The following GRIP2 variants were observed in gnomAD, a reference collection of about 807,000 sequenced individuals.
GRIP2 encodes the protein glutamate receptor-interacting protein 2.
Under a neutral mutation model 108.3 loss-of-function variants are expected in GRIP2, and 58 were observed. The ratio of observed to expected loss-of-function variants is 0.54; its 90% CI spans 0.43 to 0.67. GRIP2 has a LOEUF of 0.67. Among genes scored for constraint, GRIP2 ranks in the 30% least tolerant of loss-of-function variants. The pLI is 0.00. For missense variants in GRIP2, 1,278 were observed against 1,430.6 expected (o/e 0.89, Z 1.72); for synonymous variants, 586 against 598.2 (o/e 0.98, Z 0.30).
At chr3:14,501,703 A>G (rs888901781) in intron 21 of GRIP2, among the ~76,000 whole-genome samples, 2 of 152,230 alleles carry the variant, frequency 1.3e-5, no homozygotes, top group African/African-American at 4.8e-5. Flanking sequence ...TTGTGTCCTT[A>G]AGTTTTACTT....
the GRIP2 span, among the ~76,000 whole-genome samples, chr3:14,600,701 C>G: frequency 6.6e-6 from 1 of 152,184 alleles, no homozygotes; most frequent in African/African-American, 2.4e-5. Flanking sequence ...TCATGTGAGA[C>G]CCAGCCCACG....
At chr3:14,518,045 C>G (rs1261566102) in intron 9 of GRIP2, 148 bp from the exon 10 acceptor site, 1 of 953,988 alleles carries the variant, frequency 1.0e-6, no homozygotes, top group African/African-American at 1.7e-5. Context: ...TCCCGGACGC[C>G]TACAATGTGC....
chr3:14,542,046 A>G (rs1331469078), upstream of GRIP2: 1 of 1,353,264 alleles, frequency 7.4e-7, no homozygotes, highest in Admixed American at 2.0e-5. Flanking sequence ...CATTCCCTCC[A>G]TCTACAGCCT....
rs1701351690 is a variant in GRIP2, at chr3:14,492,172, CAG to C, written c.*1491_*1492del. ...AGAGGGGCTGGGGGTCCAACCCAGA[CAG>C]GGTCACACAGCAAACAGGTAACAGA... On this transcript the variant is annotated 3_prime_UTR_variant, in exon 24 of 24. Transcript: ENST00000621039. The C allele has an allele frequency of 6.6e-6, 1 of 152,468 alleles. No homozygotes were observed. Among genetic ancestry groups the C allele is most frequent in the Non-Finnish European group, 1.5e-5 (1 of 68,240 alleles). 9.4% of individuals were successfully genotyped at this position (152,468 alleles called of 1,614,324 possible).
At chr3:14,571,585 G>C in the GRIP2 span, among the ~76,000 whole-genome samples, 139 of 152,298 alleles carry the variant, frequency 9.1e-4, 1 homozygote, top group African/African-American at 3.3e-3. Flanking sequence ...CCTGAAGAAT[G>C]ACAGCCTGAG....
chr3:14,540,459 C>T (rs147055411), upstream of GRIP2: 690 of 1,540,914 alleles, frequency 4.5e-4, 5 homozygotes, highest in African/African-American at 8.3e-3. This position sits in a 1 kb window ranked among gnomAD's most constrained non-coding sequence, Gnocchi z 4.1. Context: ...GGGCGGCTCT[C>T]TGCTTAAAGG....
rs1160561774 is a variant in GRIP2 at position 14,490,777 on chromosome 3, C to T, written c.*2888G>A. On this transcript the variant is annotated 3_prime_UTR_variant, in exon 24 of 24. Transcript: ENST00000621039. ...CTAGCTGTGCCCGCTGCCTGAGACA[C>T]TCTTCCTCCAGGTCTCCATGGAGGC... 1.3e-5 allele frequency: 2 copies of T among 152,248 alleles called. No individual in the cohort carries two copies. Among genetic ancestry groups the T allele is most frequent in the Non-Finnish European group, 2.9e-5 (2 of 68,050 alleles). The allele number at this position is 152,248 out of a possible 1,614,324, so 9.4% of individuals were successfully genotyped here.
In GRIP2 at chr3:14,507,574, C is replaced by G; in HGVS notation, c.2205G>C (p.Lys735Asn). 1 of 1,613,714 alleles carries G rather than the reference C, an allele frequency of 6.2e-7. No individual in the cohort carries two copies. Among genetic ancestry groups the G allele is most frequent in the Non-Finnish European group, 8.5e-7 (1 of 1,179,614 alleles). Residue 735 changes from lysine (K) to asparagine (N), a missense_variant, in exon 18 of 24, where the codon AAG becomes AAC. Physicochemically the swap from Lys to Asn is moderately conservative, Grantham distance 94. Coordinates refer to ENST00000621039, the MANE Select transcript of GRIP2 (RefSeq NM_001080423.4). The surrounding 1 kb of genome is among the most constrained non-coding windows in gnomAD (Gnocchi z 4.6). ...AGCGAATCTCACGGTCTAGTTGCTTCTTGATCTTCAGTGTGACGGTCTCTC... is the reference window on the plus strand; with the variant it reads ...AGCGAATCTCACGGTCTAGTTGCTTGTTGATCTTCAGTGTGACGGTCTCTC... ...VAGETVTLKI[K>N]KQLDRPLLPR...
Position 14,521,452 on chromosome 3 carries a change from T to C in GRIP2, c.712+190A>G. ...GAGAACAGACACCTCAATTCTGTTGTTCTAGGCTGGATCCCCAGCACATCA... is the reference window on the plus strand; with the variant it reads ...GAGAACAGACACCTCAATTCTGTTGCTCTAGGCTGGATCCCCAGCACATCA... On this transcript the variant is annotated intron_variant, in intron 7 of 23. Transcript: ENST00000621039. This position sits in a 1 kb window ranked among gnomAD's most constrained non-coding sequence, Gnocchi z 5.1. 1.6e-6 allele frequency: 1 copy of C among 609,144 alleles called. No homozygotes were observed. The highest frequency in any genetic ancestry group is 2.8e-6 in the Non-Finnish European group (1 of 358,084). 37.7% of individuals were successfully genotyped at this position (609,144 alleles called of 1,614,324 possible). A position where few individuals can be genotyped will look rare whatever the true frequency, so the allele number is the denominator to read the frequency against.
the GRIP2 span, chr3:14,574,415 C>A: frequency 1.3e-6 from 1 of 746,406 alleles, no homozygotes; most frequent in Non-Finnish European, 2.3e-6. Context: ...CCTTGGGCTG[C>A]GAGGCTGCGG....
intron 1 of GRIP2, chr3:14,530,983 AAAC>A (rs1694695636): frequency 6.6e-6 from 1 of 151,800 alleles, no homozygotes; most frequent in Non-Finnish European, 1.5e-5. Flanking sequence ...TTTTTTTGCA[AAAC>A]TACGGAAGAC....
At chr3:14,558,203 A>G (rs1695265177), upstream of GRIP2, among the ~76,000 whole-genome samples, 1 of 152,192 alleles carries the variant, frequency 6.6e-6, no homozygotes, top group Non-Finnish European at 1.5e-5. Flanking sequence ...GTATTCTACC[A>G]GAGTCACACA....
At chr3:14,534,500 T>TA (rs998522504) in intron 1 of GRIP2, among the ~76,000 whole-genome samples, 1 of 151,848 alleles carries the variant, frequency 6.6e-6, no homozygotes, top group African/African-American at 2.4e-5. Flanking sequence ...GAAACGTGCA[T>TA]AAAAAACAGA....
At chr3:14,499,873 T>C (rs543538626) in intron 21 of GRIP2, among the ~76,000 whole-genome samples, 4 of 152,248 alleles carry the variant, frequency 2.6e-5, no homozygotes, top group Non-Finnish European at 4.4e-5. Flanking sequence ...ACGTTAACAA[T>C]AGCTGATGAG....
intron 1 of GRIP2, among the ~76,000 whole-genome samples, chr3:14,537,604 C>G (rs1484560616): frequency 6.6e-6 from 1 of 152,214 alleles, no homozygotes; most frequent in Non-Finnish European, 1.5e-5. Flanking sequence ...AGGTCAGAGA[C>G]TAGGAAGAGA....
chr3:14,558,583 C>T (rs1392099046), upstream of GRIP2, among the ~76,000 whole-genome samples: 1 of 152,140 alleles, frequency 6.6e-6, no homozygotes, highest in Admixed American at 6.5e-5. Context: ...GCGGGAGAGG[C>T]AGAGTTCCGA....
chr3:14,597,772 C>G, the GRIP2 span, among the ~76,000 whole-genome samples: 3 of 152,208 alleles, frequency 2.0e-5, no homozygotes, highest in East Asian at 1.9e-4. Context: ...ATCTATATCA[C>G]CATTTGTGGC....
the GRIP2 span, among the ~76,000 whole-genome samples, chr3:14,579,098 C>T: frequency 6.6e-6 from 1 of 152,156 alleles, no homozygotes. Flanking sequence ...GATGAACGCT[C>T]TGAGGTACAT....
the GRIP2 span, among the ~76,000 whole-genome samples, chr3:14,599,367 G>C: frequency 6.6e-6 from 1 of 152,296 alleles, no homozygotes; most frequent in East Asian, 1.9e-4. Flanking sequence ...GGAAGAATCT[G>C]CTGGTGGAAA....
Sources: allele counts gnomAD v4.1 joint callset (sites outside exome capture counted in the v4.1 genomes callset), GRCh38; gene constraint gnomAD v4.1.1; non-coding constraint Gnocchi (gnomAD v3.1); transcripts MANE v1.5; gene names NCBI Gene and HGNC (gene_info 2026-07-23, HGNC 2026-07-21).